The following VIPR1 variants were observed in gnomAD, a reference collection of about 807,000 sequenced individuals.
VIPR1 encodes the protein vasoactive intestinal polypeptide receptor 1.
Under a neutral mutation model 58.8 loss-of-function variants are expected in VIPR1, and 59 were observed. That is an observed-to-expected ratio of 1.00 (90% CI 0.81 to 1.25). The LOEUF (loss-of-function observed/expected upper bound fraction) is 1.25, where lower values mean the gene tolerates loss of function less well. VIPR1 is among the 50% of genes most tolerant of loss of function. The pLI is 0.00. For synonymous variants in VIPR1, 251 were observed against 242.1 expected, an observed-to-expected ratio of 1.04 and a Z score of -0.34; for missense variants, 626 against 602.7, an observed-to-expected ratio of 1.04 and a Z score of -0.40.
At chr3:42,527,149 A>G (rs1298771477) in intron 4 of VIPR1, among the ~76,000 whole-genome samples, 1 of 152,136 alleles carries the variant, frequency 6.6e-6, no homozygotes, top group African/African-American at 2.4e-5. Flanking sequence ...CTCGTAAAGA[A>G]GCAAAGACAG....
At chr3:42,504,676 G>A (rs1455905943) in intron 1 of VIPR1, among the ~76,000 whole-genome samples, 2 of 144,424 alleles carry the variant, frequency 1.4e-5, no homozygotes, top group Non-Finnish European at 3.0e-5. Context: ...TTCCCTCCCT[G>A]ATTCTCCCTC....
At chr3:42,518,761 T>G (rs1311500603) in intron 2 of VIPR1, among the ~76,000 whole-genome samples, 1 of 111,712 alleles carries the variant, frequency 9.0e-6, no homozygotes, top group African/African-American at 5.4e-5. Flanking sequence ...GGCGTGTGTT[T>G]ATACATAAAA....
intron 1 of VIPR1, chr3:42,513,062 G>C: frequency 1.3e-6 from 1 of 767,952 alleles, no homozygotes; most frequent in Non-Finnish European, 1.6e-6. Flanking sequence ...CCTTCCAGAA[G>C]CAGGGGAGGC....
intron 1 of VIPR1, among the ~76,000 whole-genome samples, chr3:42,504,050 C>A (rs1415254035): frequency 6.6e-6 from 1 of 152,164 alleles, no homozygotes; most frequent in Non-Finnish European, 1.5e-5. Context: ...CACCTCCACC[C>A]ATGACAGCCA....
intron 1 of VIPR1, among the ~76,000 whole-genome samples, chr3:42,495,954 C>A (rs1451139541): frequency 6.6e-6 from 1 of 151,822 alleles, no homozygotes; most frequent in African/African-American, 2.4e-5. Flanking sequence ...CCCAGCTAAC[C>A]TTTATATGGA....
chr3:42,531,925 C>T (rs1701578348), intron 9 of VIPR1, 56 bp downstream of exon 9: 1 of 1,602,312 alleles, frequency 6.2e-7, no homozygotes. Context: ...GGGCAGGCAA[C>T]TTAGCCCAAG....
chr3:42,493,351 C>T (rs1375337407), intron 1 of VIPR1, among the ~76,000 whole-genome samples: 2 of 152,152 alleles, frequency 1.3e-5, no homozygotes, highest in African/African-American at 4.8e-5. Flanking sequence ...GCCTTGTCTC[C>T]CCAGGGAGAG....
chr3:42,494,683 T>C (rs1253939401), intron 1 of VIPR1, among the ~76,000 whole-genome samples: 1 of 152,256 alleles, frequency 6.6e-6, no homozygotes, highest in African/African-American at 2.4e-5. Context: ...AAAGTTTACT[T>C]TATTAATCAC....
At chr3:42,517,690 C>T (rs1262272794) in intron 2 of VIPR1, among the ~76,000 whole-genome samples, 3 of 152,102 alleles carry the variant, frequency 2.0e-5, no homozygotes, top group Admixed American at 2.0e-4. Context: ...GAACTAGGTG[C>T]GGGCTGGGCA....
intron 1 of VIPR1, among the ~76,000 whole-genome samples, chr3:42,493,339 T>C (rs1160445669): frequency 6.6e-6 from 1 of 152,056 alleles, no homozygotes; most frequent in African/African-American, 2.4e-5. Context: ...GACCCTAAAA[T>C]AGCCTTGTCT....
chr3:42,511,721 G>A (rs1038972252), intron 1 of VIPR1: 2 of 152,230 alleles, frequency 1.3e-5, no homozygotes, highest in African/African-American at 2.4e-5. Flanking sequence ...GTACCTTGGT[G>A]AGAAATGTGC....
chr3:42,536,911 A>G lies in VIPR1; in HGVS notation c.*630A>G, dbSNP rs960594553. 26 of 152,188 alleles carry G rather than the reference A, an allele frequency of 1.7e-4. No individual in the cohort carries two copies. Among genetic ancestry groups the G allele is most frequent in the Admixed American group, 1.7e-3 (26 of 15,282 alleles). 9.4% of individuals were successfully genotyped at this position (152,188 alleles called of 1,614,324 possible). Reference sequence around the variant, plus strand: ...TCTTAGTGGTTCCCCACCGAAGTGGACTGGCCCCTGGGTCAGTCTGGTGGG... The same window carrying G: ...TCTTAGTGGTTCCCCACCGAAGTGGGCTGGCCCCTGGGTCAGTCTGGTGGG... On this transcript the variant is annotated 3_prime_UTR_variant, in exon 13 of 13. Transcript: ENST00000325123.
intron 3 of VIPR1, among the ~76,000 whole-genome samples, chr3:42,520,496 G>A (rs79975023): frequency 0.032 from 4,925 of 152,146 alleles, 189 homozygotes; most frequent in African/African-American, 0.096. Context: ...AGCTCAGTGC[G>A]GGAGAGAAGT....
intron 6 of VIPR1, chr3:42,530,304 A>G (rs1577251171): frequency 1.2e-5 from 2 of 168,448 alleles, no homozygotes; most frequent in Middle Eastern, 6.1e-3. Context: ...GGGTGCAGAG[A>G]TGAATGGATG....
Position 42,525,994 on chromosome 3 carries a change from G to A in VIPR1, c.399+1G>A. The A allele has an allele frequency of 1.2e-6, 2 of 1,609,346 alleles. No individual in the cohort carries two copies. The highest frequency in any genetic ancestry group is 8.5e-7 in the Non-Finnish European group (1 of 1,178,012). Reference sequence around the variant, plus strand: ...TGACAAGGCAGCGAGTTTGGATGAGGTGGGTCTCAGGGCACCCCCACCTCA... The same window carrying A: ...TGACAAGGCAGCGAGTTTGGATGAGATGGGTCTCAGGGCACCCCCACCTCA... On this transcript the variant is annotated splice_donor_variant, in intron 4 of 12. Coordinates refer to ENST00000325123, the MANE Select transcript of VIPR1 (RefSeq NM_004624.4). LOFTEE classifies it high-confidence loss of function.
chr3:42,495,811 T>C (rs1174772636), intron 1 of VIPR1, among the ~76,000 whole-genome samples: 1 of 151,942 alleles, frequency 6.6e-6, no homozygotes, highest in Non-Finnish European at 1.5e-5. Context: ...ATCTTATAGC[T>C]GCAAAAAATT....
intron 3 of VIPR1, among the ~76,000 whole-genome samples, chr3:42,523,689 C>T (rs1053523406): frequency 1.3e-5 from 2 of 152,076 alleles, no homozygotes; most frequent in African/African-American, 4.8e-5. Context: ...GGTTTGCTGG[C>T]ATAATTCATG....
chr3:42,513,766 G>T lies in VIPR1; in HGVS notation c.96G>T (p.Arg32Ser). The change falls in exon 2 of 13, where the codon AGG (arginine) becomes AGT (serine). Residue 32 changes from arginine to serine, a missense_variant. Coordinates refer to ENST00000325123, the MANE Select transcript of VIPR1 (RefSeq NM_004624.4). ...GTTCTCAGGGCGGCCAGGCGGCCAGGCTGCAGGAGGAGTGTGACTATGTGC... is the reference window on the plus strand; with the variant it reads ...GTTCTCAGGGCGGCCAGGCGGCCAGTCTGCAGGAGGAGTGTGACTATGTGC... The part of the protein sequence containing the change: ...ALGPAGGQAA[R>S]LQEECDYVQM... 1 of 1,551,520 alleles carries T rather than the reference G, an allele frequency of 6.4e-7. No individual in the cohort carries two copies. The highest frequency in any genetic ancestry group is 8.7e-7 in the Non-Finnish European group (1 of 1,146,888).
At chr3:42,520,431 C>T (rs1048932238) in intron 3 of VIPR1, among the ~76,000 whole-genome samples, 4 of 152,040 alleles carry the variant, frequency 2.6e-5, no homozygotes, top group African/African-American at 9.7e-5. Flanking sequence ...GGAGTGTAAA[C>T]AGGAAAACCC....
Sources: allele counts gnomAD v4.1 joint callset (sites outside exome capture counted in the v4.1 genomes callset), GRCh38; gene constraint gnomAD v4.1.1; transcripts MANE v1.5; gene names NCBI Gene and HGNC (gene_info 2026-07-23, HGNC 2026-07-21).